KIF21B: variants seen among roughly 807,000 people sequenced by gnomAD.
The protein encoded by KIF21B is kinesin family member 21B, also known as kinesin-like protein KIF21B.
KIF21B carries 85 observed loss-of-function variants against 192.9 expected under a neutral mutation model. The observed-to-expected ratio is 0.44, with a 90% CI of 0.37 to 0.53. The LOEUF is 0.53. KIF21B is among the 20% of genes least tolerant of loss of function. The pLI, the probability that KIF21B is intolerant of heterozygous loss-of-function variation, is 0.00. For missense variants in KIF21B, 1,716 were observed against 2,194.8 expected, an observed-to-expected ratio of 0.78 and a Z score of 4.36; for synonymous variants, 832 against 884.6, an observed-to-expected ratio of 0.94 and a Z score of 1.05.
At chr1:201,021,566 A>G (rs1255875063) in intron 1 of KIF21B, among the ~76,000 whole-genome samples, 1 of 152,176 alleles carries the variant, frequency 6.6e-6, no homozygotes, top group African/African-American at 2.4e-5. Context: ...GGTCCCGGGA[A>G]GCTTCTAGAG....
rs545486756 is a variant in KIF21B at position 200,975,817 on chromosome 1, G to A, written c.4444-148C>T. On this transcript the variant is annotated intron_variant, in intron 32 of 34. Transcript: ENST00000461742. This position sits in a 1 kb window ranked among gnomAD's most constrained non-coding sequence, Gnocchi z 4.3. ...TGGGGAGAGGAGCTTCCCAGCAGGC[G>A]AGGGTTCCTGGAGGTGGGGCTGCTC... The A allele has an allele frequency of 1.5e-5, 11 of 752,564 alleles. No homozygotes were observed. Among genetic ancestry groups the A allele is most frequent in the East Asian group, 5.6e-5 (2 of 35,892 alleles). The allele number at this position is 752,564 out of a possible 1,614,324, so 46.6% of individuals were successfully genotyped here. A position where few individuals can be genotyped will look rare whatever the true frequency, so the allele number is the denominator to read the frequency against.
intron 1 of KIF21B, among the ~76,000 whole-genome samples, chr1:201,020,205 C>A (rs1658738373): frequency 6.6e-6 from 1 of 152,176 alleles, no homozygotes; most frequent in Non-Finnish European, 1.5e-5. Flanking sequence ...GGTGGGGGCT[C>A]AGAGCTGGGG....
intron 28 of KIF21B, among the ~76,000 whole-genome samples, chr1:200,981,503 A>G (rs1655925996): frequency 6.6e-6 from 1 of 152,168 alleles, no homozygotes; most frequent in African/African-American, 2.4e-5. Context: ...TGTAGCTTCC[A>G]CCAGAAGCTG....
Position 200,974,872 on chromosome 1 carries a change from G to A in KIF21B, c.4656C>T (p.Ala1552=), listed in dbSNP as rs200835746. ...GCAGCATGGGGCGGCCCGGGATGAA[G>A]GCCAGGGCGCACACCCAGTCCTTGT... ...NAHKDWVCAL[A]FIPGRPMLLS... The change falls in exon 34 of 35, where the codon GCC becomes GCT. Residue 1552 remains alanine (A), a synonymous_variant. Transcript: ENST00000461742. The A allele has an allele frequency of 3.1e-6, 5 of 1,614,140 alleles. No individual in the cohort carries two copies. Among genetic ancestry groups the A allele is most frequent in the Non-Finnish European group, 4.2e-6 (5 of 1,180,026 alleles).
At chr1:201,011,574 C>A (rs1658239466) in intron 1 of KIF21B, among the ~76,000 whole-genome samples, 2 of 152,226 alleles carry the variant, frequency 1.3e-5, no homozygotes, top group African/African-American at 4.8e-5. Flanking sequence ...AGAGCAAGAG[C>A]AACCTTAGAA....
At chr1:201,012,096 G>A (rs561406745) in intron 1 of KIF21B, among the ~76,000 whole-genome samples, 1 of 152,340 alleles carries the variant, frequency 6.6e-6, no homozygotes, top group South Asian at 2.1e-4. Flanking sequence ...CAGGAGTTGC[G>A]TGGTCAGTTG....
In KIF21B at chr1:200,979,712, C is replaced by T. The variant is rs762285465; in HGVS notation, c.3983G>A (p.Arg1328Gln). 8.5e-6 allele frequency: 13 copies of T among 1,521,224 alleles called. No individual in the cohort carries two copies. Among genetic ancestry groups the T allele is most frequent in the Non-Finnish European group, 1.2e-5 (13 of 1,130,080 alleles). 94.2% of individuals were successfully genotyped at this position (1,521,224 alleles called of 1,614,324 possible). ...AACCAAGTTCCACATCTTGCAGCTT[C>T]GGTCTGTGAGAGATGGGAGGAAGCC... is the stretch of plus-strand genomic sequence containing the variant. Reference protein sequence around the residue: ...DELLFTGSKDRSCKMWNLVTG... With the variant: ...DELLFTGSKDQSCKMWNLVTG... Residue 1328 changes from arginine (R) to glutamine (Q), a missense_variant, in exon 30 of 35, where the codon CGA becomes CAA. Physicochemically the swap from Arg to Gln is conservative, Grantham distance 43. Coordinates refer to ENST00000461742, the MANE Select transcript of KIF21B (RefSeq NM_001252102.2).
In KIF21B at chr1:200,988,860, T is replaced by C. The variant is rs1656485248; in HGVS notation, c.3204A>G (p.Ala1068=). 6 of 1,613,062 alleles carry C rather than the reference T, an allele frequency of 3.7e-6. No individual in the cohort carries two copies. The highest frequency in any genetic ancestry group is 4.2e-6 in the Non-Finnish European group (5 of 1,179,698). The change falls in exon 22 of 35, where the codon GCA becomes GCG. Residue 1068 remains alanine, a synonymous_variant. Coordinates refer to ENST00000461742, the MANE Select transcript of KIF21B (RefSeq NM_001252102.2). ...GGAGCAGATGGTTCTGGGAGGAGCC[T>C]GCCATATCCGTCTGCCTCAGTCGGC... ...LEGRLRQTDM[A]GSSQNHLLLD...
chr1:201,021,561 C>T (rs975289168), intron 1 of KIF21B, among the ~76,000 whole-genome samples: 5 of 152,168 alleles, frequency 3.3e-5, no homozygotes, highest in Non-Finnish European at 7.3e-5. Flanking sequence ...GAAAGGGTCC[C>T]GGGAAGCTTC....
rs551122478 is a variant in KIF21B at position 200,982,916 on chromosome 1, G to A, written c.3842+140C>T. 28 of 758,186 alleles carry A rather than the reference G, an allele frequency of 3.7e-5. 1 individual carries two copies. The highest frequency in any genetic ancestry group is 3.2e-4 in the South Asian group (21 of 66,082). The allele number at this position is 758,186 out of a possible 1,614,324, so 47.0% of individuals were successfully genotyped here. ...TGGGGGCAGGAACAGGTCTGGAGAG[G>A]GGGGCAGCAGGAAGGGGAGTGGAGG... On this transcript the variant is annotated intron_variant, in intron 28 of 34. Coordinates refer to ENST00000461742, the MANE Select transcript of KIF21B (RefSeq NM_001252102.2). This position sits in a 1 kb window ranked among gnomAD's most constrained non-coding sequence, Gnocchi z 4.7.
Position 200,988,365 on chromosome 1 carries a change from G to A in KIF21B, c.3351-12C>T. On this transcript the variant is annotated splice_polypyrimidine_tract_variant and intron_variant, in intron 23 of 34. Transcript: ENST00000461742. ...ATGACTGGGAGAAGCTGAGGAAGAA[G>A]CAGAGAGAGTTCAGGATCCTGAGGA... 2 of 1,614,148 alleles carry A rather than the reference G, an allele frequency of 1.2e-6. No homozygotes were observed. Among genetic ancestry groups the A allele is most frequent in the Non-Finnish European group, 1.7e-6 (2 of 1,179,988 alleles).
rs778986480 is a variant in KIF21B, at chr1:200,988,336, G to A, written c.3368C>T (p.Thr1123Ile). Residue 1123 changes from threonine to isoleucine, a missense_variant, in exon 24 of 35, where the codon ACC becomes ATC. This residue lies in a region of KIF21B where 580 missense variants were observed against 775.5 expected (regional missense o/e 0.75). Coordinates refer to ENST00000461742, the MANE Select transcript of KIF21B (RefSeq NM_001252102.2). Reference sequence around the variant, plus strand: ...GTCATGGCTGGTGGAGCCTTTCATGGTGAATGACTGGGAGAAGCTGAGGAA... The same window carrying A: ...GTCATGGCTGGTGGAGCCTTTCATGATGAATGACTGGGAGAAGCTGAGGAA... ...FSEGSFSQSF[T>I]MKGSTSHDDF... 3 of 1,614,166 alleles carry A rather than the reference G, an allele frequency of 1.9e-6. No homozygotes were observed. Among genetic ancestry groups the A allele is most frequent in the East Asian group, 2.2e-5 (1 of 44,886 alleles).
At chr1:201,015,211 T>G (rs1233631995) in intron 1 of KIF21B, among the ~76,000 whole-genome samples, 1 of 152,204 alleles carries the variant, frequency 6.6e-6, no homozygotes, top group Non-Finnish European at 1.5e-5. Flanking sequence ...GAAGATTCAA[T>G]CCAGGGGAAA....
At chr1:200,992,137 G>GCTC (rs1299587936) in intron 16 of KIF21B, 145 bp downstream of exon 16, 15 of 679,246 alleles carry the variant, frequency 2.2e-5, no homozygotes, top group Non-Finnish European at 3.8e-5. Context: ...GCTCTGACAG[G>GCTC]CTGTACTGTC....
At chr1:201,010,334 C>T (rs56832397) in intron 1 of KIF21B, among the ~76,000 whole-genome samples, 5 of 151,582 alleles carry the variant, frequency 3.3e-5, no homozygotes, top group Non-Finnish European at 5.9e-5. Flanking sequence ...GCCTGGGGTG[C>T]GCTCCCAACC....
Position 201,023,435 on chromosome 1 carries a change from C to T in KIF21B, c.-52G>A, listed in dbSNP as rs1324527358. 3 of 1,325,704 alleles carry T rather than the reference C, an allele frequency of 2.3e-6. No individual in the cohort carries two copies. Among genetic ancestry groups the T allele is most frequent in the Middle Eastern group, 2.3e-4 (1 of 4,288 alleles). 82.1% of individuals were successfully genotyped at this position (1,325,704 alleles called of 1,614,324 possible). ...TGGATCAGAGGCGGGGGTCTGGGGG[C>T]CAATGCCCGAGGCAGCGGCTGCGGC... On this transcript the variant is annotated 5_prime_UTR_variant, in exon 1 of 35. The change creates a premature stop within an existing upstream ORF in the 5' untranslated region. Coordinates refer to ENST00000461742, the MANE Select transcript of KIF21B (RefSeq NM_001252102.2). This position sits in a 1 kb window ranked among gnomAD's most constrained non-coding sequence, Gnocchi z 5.9.
rs867656253 is a variant in KIF21B at position 200,979,144 on chromosome 1, C to T, written c.4160+391G>A. ...CCTATGCCTGTGTGTCTGAGACTGT[C>T]GGGGCAGGGCTCAGGGCCATGACTG... On this transcript the variant is annotated intron_variant, in intron 30 of 34. Coordinates refer to ENST00000461742, the MANE Select transcript of KIF21B (RefSeq NM_001252102.2). Among the ~76,000 whole-genome samples the T allele has an allele frequency of 2.0e-5, 3 of 152,178 alleles. No homozygotes were observed. In the South Asian group the frequency reaches 6.2e-4, roughly 32 times the overall value.
Position 200,973,572 on chromosome 1 carries a change from C to G in KIF21B, c.4821G>C (p.Leu1607=), listed in dbSNP as rs1655340134. The change falls in exon 35 of 35, where the codon CTG becomes CTC. Residue 1607 remains leucine (L), a synonymous_variant. Coordinates refer to ENST00000461742, the MANE Select transcript of KIF21B (RefSeq NM_001252102.2). Reference sequence around the variant, plus strand: ...GCCGGACACTCCAGAACTTCACCGTCAGGTCACTGGGGTGGAGGACAAAGT... The same window carrying G: ...GCCGGACACTCCAGAACTTCACCGTGAGGTCACTGGGGTGGAGGACAAAGT... ...AKHIFTASSD[L]TVKFWSVRRL... is the part of the protein sequence containing the mutation. 6.6e-7 allele frequency: 1 copy of G among 1,515,582 alleles called. No individual in the cohort carries two copies. The highest frequency in any genetic ancestry group is 8.8e-7 in the Non-Finnish European group (1 of 1,140,872). 93.9% of individuals were successfully genotyped at this position (1,515,582 alleles called of 1,614,324 possible).
chr1:201,018,416 A>G (rs887592922), intron 1 of KIF21B, among the ~76,000 whole-genome samples: 1 of 152,212 alleles, frequency 6.6e-6, no homozygotes, highest in Non-Finnish European at 1.5e-5. Flanking sequence ...CTGCTAAGCA[A>G]TCCCATACAG....
Sources: allele counts gnomAD v4.1 joint callset (sites outside exome capture counted in the v4.1 genomes callset), GRCh38; gene constraint gnomAD v4.1.1; regional missense constraint gnomAD v4.1.1; non-coding constraint Gnocchi (gnomAD v3.1); transcripts MANE v1.5; gene names NCBI Gene and HGNC (gene_info 2026-07-23, HGNC 2026-07-21).